Variants in HDAC9 observed in about 807,000 individuals in gnomAD.
HDAC9 encodes histone deacetylase 9.
HDAC9 carries 41 observed loss-of-function variants against 139.4 expected under a neutral mutation model. The observed-to-expected ratio is 0.29, with a 90% confidence interval of 0.23 to 0.38. HDAC9 has a LOEUF of 0.38. HDAC9 is among the 10% of genes least tolerant of loss of function. The pLI is 1.00. For missense variants in HDAC9, 1,147 were observed against 1,297.0 expected (o/e 0.88, Z 1.78); for synonymous variants, 517 against 476.2 (o/e 1.09, Z -1.12).
Position 18,644,665 on chromosome 7 carries a change from T to G in HDAC9, c.913-6T>G. On this transcript the variant is annotated splice_polypyrimidine_tract_variant and splice_region_variant and intron_variant, in intron 8 of 25. Transcript: ENST00000686413. ...GTATTTTGAGACTCTCCTCTTTTTT[T>G]AACAGCAAATGGTTTCACAGCAACG... 1 of 1,605,840 alleles carries G rather than the reference T, an allele frequency of 6.2e-7. No individual in the cohort carries two copies. Among genetic ancestry groups the G allele is most frequent in the Admixed American group, 1.7e-5 (1 of 58,836 alleles).
intron 22 of HDAC9, among the ~76,000 whole-genome samples, chr7:18,928,959 T>G (rs968185463): frequency 6.6e-6 from 1 of 152,084 alleles, no homozygotes; most frequent in Non-Finnish European, 1.5e-5. Context: ...GCAATAATTT[T>G]GGTTTTTTAA....
At chr7:18,699,414 C>T (rs1783298078) in intron 12 of HDAC9, among the ~76,000 whole-genome samples, 2 of 151,238 alleles carry the variant, frequency 1.3e-5, no homozygotes, top group Non-Finnish European at 3.0e-5. Flanking sequence ...ACGTGTGTGT[C>T]GAAATAATGT....
chr7:18,349,537 G>T (rs1290001848), intron 1 of HDAC9, among the ~76,000 whole-genome samples: 1 of 151,956 alleles, frequency 6.6e-6, no homozygotes, highest in Non-Finnish European at 1.5e-5. Context: ...GCACATAGCA[G>T]GGATGCAATA....
chr7:18,325,838 G>A (rs1261493408), intron 1 of HDAC9, among the ~76,000 whole-genome samples: 1 of 152,004 alleles, frequency 6.6e-6, no homozygotes, highest in African/African-American at 2.4e-5. Flanking sequence ...GTTGCCTCCA[G>A]TATTCAGAAC....
chr7:18,304,299 A>C (rs1388881175), intron 1 of HDAC9, among the ~76,000 whole-genome samples: 1 of 152,236 alleles, frequency 6.6e-6, no homozygotes. Flanking sequence ...TGATGAGTGT[A>C]AATTACTTTC....
intron 1 of HDAC9, among the ~76,000 whole-genome samples, chr7:18,132,181 G>C (rs538412561): frequency 5.3e-5 from 8 of 152,158 alleles, no homozygotes; most frequent in African/African-American, 1.9e-4. Context: ...CATTGTGCCA[G>C]TGTGTCCCAG....
intron 1 of HDAC9, among the ~76,000 whole-genome samples, chr7:18,355,957 T>G (rs1405331795): frequency 6.6e-6 from 1 of 152,180 alleles, no homozygotes; most frequent in Non-Finnish European, 1.5e-5. Context: ...GGGATCTTAC[T>G]GCAAGCGATT....
intron 1 of HDAC9, among the ~76,000 whole-genome samples, chr7:18,300,208 AG>A (rs1288041918): frequency 6.8e-6 from 1 of 146,040 alleles, no homozygotes; most frequent in Non-Finnish European, 1.5e-5. Context: ...TTTTTTTTTT[AG>A]CTCATCGGCT....
chr7:18,997,100 C>CTATT lies in HDAC9; in HGVS notation c.*1041_*1044dup, dbSNP rs1219395395. The CTATT allele has an allele frequency of 2.6e-5, 4 of 152,054 alleles. No homozygotes were observed. The highest frequency in any genetic ancestry group is 9.7e-5 in the African/African-American group (4 of 41,410). The allele number at this position is 152,054 out of a possible 1,614,324, so 9.4% of individuals were successfully genotyped here. The stretch of plus-strand genomic sequence containing the variant: ...TCCTCTTATTACTTGAGGGCCTTGA[C>CTATT]TATTTAGTTTATTTTGTTTACTTTA... On this transcript the variant is annotated 3_prime_UTR_variant, in exon 26 of 26. Transcript: ENST00000686413.
At chr7:18,479,782 A>G (rs1795397943) in intron 1 of HDAC9, among the ~76,000 whole-genome samples, 1 of 152,078 alleles carries the variant, frequency 6.6e-6, no homozygotes, top group African/African-American at 2.4e-5. Flanking sequence ...TAGTTTAACT[A>G]TCGCTCAAGA....
intron 2 of HDAC9, among the ~76,000 whole-genome samples, chr7:18,563,570 A>C (rs1456687925): frequency 6.6e-6 from 1 of 152,124 alleles, no homozygotes; most frequent in Non-Finnish European, 1.5e-5. Flanking sequence ...CAATGTATTT[A>C]AGGTGTTTAG....
intron 1 of HDAC9, among the ~76,000 whole-genome samples, chr7:18,159,031 A>G (rs892976756): frequency 6.6e-6 from 1 of 152,250 alleles, no homozygotes; most frequent in Non-Finnish European, 1.5e-5. Context: ...CTCAAGGGAT[A>G]TAGTTAAGAA....
At chr7:18,894,546 G>A (rs970673489) in intron 22 of HDAC9, among the ~76,000 whole-genome samples, 1 of 152,102 alleles carries the variant, frequency 6.6e-6, no homozygotes, top group Non-Finnish European at 1.5e-5. Flanking sequence ...GGAGTTTGAT[G>A]AGTTAAAAGC....
intron 1 of HDAC9, among the ~76,000 whole-genome samples, chr7:18,334,808 A>G (rs1286812220): frequency 1.3e-5 from 2 of 151,550 alleles, no homozygotes; most frequent in African/African-American, 2.4e-5. Context: ...GGAGAGTGAC[A>G]TTGAGAAGCA....
chr7:18,721,704 C>G (rs1007290983), intron 12 of HDAC9, among the ~76,000 whole-genome samples: 1 of 152,072 alleles, frequency 6.6e-6, no homozygotes, highest in African/African-American at 2.4e-5. Flanking sequence ...TACATTTGGT[C>G]CCTGTGCGAT....
At chr7:18,292,854 C>G (rs544282130) in intron 1 of HDAC9, among the ~76,000 whole-genome samples, 2 of 152,242 alleles carry the variant, frequency 1.3e-5, no homozygotes, top group South Asian at 4.1e-4. Flanking sequence ...TTTTAGAAAC[C>G]TGGAATTGAC....
intron 22 of HDAC9, among the ~76,000 whole-genome samples, chr7:18,907,937 A>G (rs762509980): frequency 6.6e-6 from 1 of 152,166 alleles, no homozygotes; most frequent in African/African-American, 2.4e-5. Context: ...CATACTATGT[A>G]TATATCATGT....
At chr7:18,869,167 T>TGA (rs1313615279) in intron 21 of HDAC9, among the ~76,000 whole-genome samples, 1 of 151,190 alleles carries the variant, frequency 6.6e-6, no homozygotes. Context: ...TGTGTGTGTG[T>TGA]GTGTGTGTGT....
At chr7:18,934,602 A>G (rs949431833) in intron 22 of HDAC9, among the ~76,000 whole-genome samples, 6 of 152,204 alleles carry the variant, frequency 3.9e-5, no homozygotes, top group African/African-American at 1.2e-4. Context: ...AATTAGAAAT[A>G]GAAAACTCCC....
Sources: allele counts gnomAD v4.1 joint callset (sites outside exome capture counted in the v4.1 genomes callset), GRCh38; gene constraint gnomAD v4.1.1; transcripts MANE v1.5; gene names NCBI Gene and HGNC (gene_info 2026-07-23, HGNC 2026-07-21).